DACH2: variants seen among roughly 807,000 people sequenced by gnomAD.
DACH2 encodes dachshund homolog 2.
Under a neutral mutation model 35.8 loss-of-function variants are expected in DACH2, and 17 were observed. The observed-to-expected ratio is 0.48, with a 90% CI of 0.33 to 0.71. The LOEUF is 0.71. Among genes scored for constraint, DACH2 ranks in the 30% least tolerant of loss-of-function variants. The pLI is 0.02. For missense variants in DACH2, 469 were observed against 472.7 expected (o/e 0.99, Z 0.07); for synonymous variants, 195 against 177.3 (o/e 1.10, Z -0.79).
At chrX:86,748,053 T>C (rs777316616) in intron 7 of DACH2, among the ~76,000 whole-genome samples, 50 of 112,069 alleles carry the variant, frequency 4.5e-4, no homozygotes, top group Admixed American at 6.6e-4. Flanking sequence ...TCTTCATCCA[T>C]TCAAGTTTTA....
intron 4 of DACH2, among the ~76,000 whole-genome samples, chrX:86,667,305 AGAAGGAAG>A (rs746792252): frequency 0.033 from 1,119 of 33,916 alleles, 43 homozygotes; most frequent in African/African-American, 0.1. Flanking sequence ...AAGGAAGGAA[AGAAGGAAG>A]GAAGGAAGGA....
At chrX:86,815,582 T>C (rs915410698) in intron 10 of DACH2, among the ~76,000 whole-genome samples, 1 of 106,978 alleles carries the variant, frequency 9.3e-6, no homozygotes, top group African/African-American at 3.4e-5. Flanking sequence ...TTACTATATA[T>C]ATATATACAC....
chrX:86,150,115 G>GA (rs201894729), intron 1 of DACH2, among the ~76,000 whole-genome samples: 1 of 111,108 alleles, frequency 9.0e-6, no homozygotes, highest in Admixed American at 9.6e-5. Flanking sequence ...AGTTTAAAAA[G>GA]AAAAAAAGTA....
chrX:86,556,793 TATAGAGAGAGAG>T (rs2039133058), intron 3 of DACH2, among the ~76,000 whole-genome samples: 4 of 33,050 alleles, frequency 1.2e-4, no homozygotes, highest in African/African-American at 5.4e-4. Flanking sequence ...TATATATATA[TATAGAGAGAGAG>T]AGAGAGAGAG....
At chrX:86,614,694 T>C (rs1216787782) in intron 3 of DACH2, among the ~76,000 whole-genome samples, 2 of 111,294 alleles carry the variant, frequency 1.8e-5, no homozygotes, top group African/African-American at 6.5e-5. Flanking sequence ...TCAGGTAGTG[T>C]TGTTGAAAGT....
intron 11 of DACH2, among the ~76,000 whole-genome samples, chrX:86,821,689 G>A (rs1445635814): frequency 9.0e-6 from 1 of 110,617 alleles, no homozygotes; most frequent in Non-Finnish European, 1.9e-5. Context: ...AATCGTTCAG[G>A]GCCTGGTTGT....
chrX:86,760,997 G>A (rs2041874763), intron 7 of DACH2, among the ~76,000 whole-genome samples: 1 of 111,134 alleles, frequency 9.0e-6, no homozygotes, highest in South Asian at 3.8e-4. Flanking sequence ...ACTGTAAATG[G>A]CATCAGCAAT....
chrX:86,328,005 A>G (rs2035145521), intron 1 of DACH2, among the ~76,000 whole-genome samples: 1 of 111,594 alleles, frequency 9.0e-6, no homozygotes, highest in Non-Finnish European at 1.9e-5. Context: ...CCATTACTGC[A>G]ATACTTGTTT....
intron 1 of DACH2, among the ~76,000 whole-genome samples, chrX:86,337,629 C>T (rs775214260): frequency 6.3e-5 from 7 of 111,988 alleles, no homozygotes; most frequent in Non-Finnish European, 1.1e-4. Context: ...TAAAGGCCAT[C>T]GACACTATGG....
chrX:86,769,095 A>G (rs991104476), intron 7 of DACH2, among the ~76,000 whole-genome samples: 40 of 111,624 alleles, frequency 3.6e-4, no homozygotes, highest in Admixed American at 2.4e-3. Flanking sequence ...CAGAAAAAGA[A>G]TTAGATAAAA....
chrX:86,541,240 G>A (rs2038876760), intron 3 of DACH2, among the ~76,000 whole-genome samples: 1 of 111,601 alleles, frequency 9.0e-6, no homozygotes, highest in Non-Finnish European at 1.9e-5. Context: ...CAGAATATAT[G>A]CTCCTTAGCA....
At chrX:86,227,367 A>G (rs1164213672) in intron 1 of DACH2, among the ~76,000 whole-genome samples, 2 of 111,403 alleles carry the variant, frequency 1.8e-5, no homozygotes, top group African/African-American at 6.5e-5. Flanking sequence ...TGTTTACTCA[A>G]TTTCTTTACT....
intron 1 of DACH2, among the ~76,000 whole-genome samples, chrX:86,301,439 T>C (rs2034573080): frequency 9.0e-6 from 1 of 111,724 alleles, no homozygotes. Context: ...ATTCTTGAAA[T>C]ATAAAAAAAA....
intron 3 of DACH2, among the ~76,000 whole-genome samples, chrX:86,581,203 G>T (rs1300222351): frequency 1.8e-5 from 2 of 111,756 alleles, no homozygotes; most frequent in South Asian, 3.7e-4. Flanking sequence ...CACCAGATCT[G>T]CCTTCTAAGA....
intron 7 of DACH2, among the ~76,000 whole-genome samples, chrX:86,769,374 T>C (rs192324765): frequency 2.7e-5 from 3 of 112,213 alleles, no homozygotes; most frequent in Non-Finnish European, 5.6e-5. Flanking sequence ...CCTAAAGCAA[T>C]CTACACATCC....
chrX:86,279,298 G>T (rs1228479605), intron 1 of DACH2, among the ~76,000 whole-genome samples: 1 of 111,887 alleles, frequency 8.9e-6, no homozygotes, highest in African/African-American at 3.3e-5. Context: ...GAGAGCTCTG[G>T]CTGGCATCTG....
intron 2 of DACH2, among the ~76,000 whole-genome samples, chrX:86,411,653 A>T (rs914099271): frequency 8.9e-6 from 1 of 111,972 alleles, no homozygotes; most frequent in Non-Finnish European, 1.9e-5. Flanking sequence ...ATGATAAATG[A>T]AAATGAAATA....
At chrX:86,338,280 A>G (rs1272876541) in intron 1 of DACH2, among the ~76,000 whole-genome samples, 1 of 111,813 alleles carries the variant, frequency 8.9e-6, no homozygotes. Context: ...TCAGCACCAC[A>G]TTACACTTAT....
intron 1 of DACH2, among the ~76,000 whole-genome samples, chrX:86,225,037 C>T (rs998659710): frequency 1.8e-5 from 2 of 111,326 alleles, no homozygotes; most frequent in African/African-American, 3.3e-5. Flanking sequence ...CATTTATTTG[C>T]GAGCCCTGGC....
Sources: allele counts gnomAD v4.1 joint callset (sites outside exome capture counted in the v4.1 genomes callset), GRCh38; gene constraint gnomAD v4.1.1; transcripts MANE v1.5; gene names NCBI Gene and HGNC (gene_info 2026-07-23, HGNC 2026-07-21).